Variants in EFS observed in about 807,000 individuals in gnomAD.
The protein encoded by EFS is Cas scaffolding protein family member 3.
EFS carries 34 observed loss-of-function variants against 42.2 expected under a neutral mutation model. That is an observed-to-expected ratio of 0.81 (90% CI 0.61 to 1.07). EFS has a LOEUF of 1.07. Ranked by LOEUF, EFS falls within the 50% of genes least tolerant of loss-of-function variation. EFS has a pLI of 0.00. For missense variants in EFS, 717 were observed against 729.4 expected (o/e 0.98, Z 0.20); for synonymous variants, 299 against 320.7 (o/e 0.93, Z 0.72).
At chr14:23,358,033 C>G (rs963509380) in intron 5 of EFS, among the ~76,000 whole-genome samples, 1 of 152,116 alleles carries the variant, frequency 6.6e-6, no homozygotes, top group African/African-American at 2.4e-5. Context: ...TATATTTTAT[C>G]TAACTCCAAA....
chr14:23,364,953 C>T, intron 1 of EFS, 55 bp downstream of exon 1: 1 of 1,255,394 alleles, frequency 8.0e-7, no homozygotes, highest in Non-Finnish European at 1.0e-6. Context: ...GACAGGAGCG[C>T]AGGGCAGGCC....
chr14:23,363,348 G>GT (rs766607925), intron 1 of EFS, among the ~76,000 whole-genome samples: 4 of 152,190 alleles, frequency 2.6e-5, no homozygotes, highest in Non-Finnish European at 4.4e-5. Flanking sequence ...CAGGGTAGTT[G>GT]TGAGAGTTGC....
chr14:23,360,089 C>G (rs771005782), intron 3 of EFS, 50 bp from the exon 4 acceptor site: 1 of 1,614,026 alleles, frequency 6.2e-7, no homozygotes, highest in Admixed American at 1.7e-5. Flanking sequence ...TGAACCCTCC[C>G]TTGGGGCCAT....
intron 1 of EFS, among the ~76,000 whole-genome samples, chr14:23,363,993 A>G (rs1890238459): frequency 6.6e-6 from 1 of 151,704 alleles, no homozygotes; most frequent in Admixed American, 6.6e-5. Context: ...CCTGTCCTCA[A>G]AGGGTATGGG....
chr14:23,362,337 A>T (rs1423500781), intron 1 of EFS, among the ~76,000 whole-genome samples: 1 of 152,178 alleles, frequency 6.6e-6, no homozygotes, highest in African/African-American at 2.4e-5. Context: ...TTCAGCAAAA[A>T]AATCTCAAAG....
Position 23,365,012 on chromosome 14 carries a change from G to A in EFS, c.14C>T (p.Thr5Met), listed in dbSNP as rs939293311. 7.5e-7 allele frequency: 1 copy of A among 1,339,842 alleles called. No individual in the cohort carries two copies. Among genetic ancestry groups the A allele is most frequent in the South Asian group, 2.4e-5 (1 of 41,048 alleles). 83.0% of individuals were successfully genotyped at this position (1,339,842 alleles called of 1,614,324 possible). The change falls in exon 1 of 6, where the codon ACG becomes ATG. Residue 5 changes from threonine to methionine, a missense_variant. By Grantham distance (81) the Thr-to-Met change is moderately conservative (BLOSUM62 -1). Transcript: ENST00000216733. This position sits in a 1 kb window ranked among gnomAD's most constrained non-coding sequence, Gnocchi z 5.3. Reference sequence around the variant, plus strand: ...TCCACTCCCTGGTGGACTCACCGACGTGGCAATGGCCATGGCTTTGGCCTC... The same window carrying A: ...TCCACTCCCTGGTGGACTCACCGACATGGCAATGGCCATGGCTTTGGCCTC... The part of the protein sequence containing the change: MAIA[T>M]STQLARALYD...
At chr14:23,357,978 T>G (rs1287815619) in intron 5 of EFS, among the ~76,000 whole-genome samples, 3 of 151,868 alleles carry the variant, frequency 2.0e-5, no homozygotes, top group Non-Finnish European at 4.4e-5. Context: ...TTTAGATGTG[T>G]TAGTAGCCAC....
rs1241935514 is a variant in EFS at position 23,360,216 on chromosome 14, T to C, written c.363A>G (p.Pro121=). The change falls in exon 3 of 6, where the codon CCA becomes CCG. Residue 121 remains proline (P), a synonymous_variant. Coordinates refer to ENST00000216733, the MANE Select transcript of EFS (RefSeq NM_005864.4). The part of the protein sequence containing the change: ...PTSGPPAGPC[P]PSPDLIYKIP... Reference sequence around the variant, plus strand: ...TTTTGTAGATGAGGTCAGGAGAGGGTGGGCAAGGTCCAGCTGGAGGTCCTG... The same window carrying C: ...TTTTGTAGATGAGGTCAGGAGAGGGCGGGCAAGGTCCAGCTGGAGGTCCTG... 1.9e-6 allele frequency: 3 copies of C among 1,613,538 alleles called. No individual in the cohort carries two copies. Among genetic ancestry groups the C allele is most frequent in the East Asian group, 2.2e-5 (1 of 44,852 alleles).
intron 2 of EFS, 29 bp downstream of exon 2, chr14:23,360,526 C>T: frequency 6.6e-7 from 1 of 1,521,758 alleles, no homozygotes; most frequent in Non-Finnish European, 8.8e-7. Flanking sequence ...GCTCTTCTGG[C>T]TTGGGGTTGG....
At chr14:23,359,246 C>T (rs541517516) in intron 4 of EFS, 71 bp downstream of exon 4, 4 of 1,605,578 alleles carry the variant, frequency 2.5e-6, no homozygotes, top group African/African-American at 2.7e-5. Context: ...GCCTCTGTGC[C>T]CTAGGTCTCC....
At chr14:23,358,743 T>C (rs1179292641) in intron 5 of EFS, 133 bp downstream of exon 5, 2 of 738,314 alleles carry the variant, frequency 2.7e-6, no homozygotes, top group Non-Finnish European at 4.2e-6. Flanking sequence ...GCCTCCGCTC[T>C]GTCCCTGGTT....
At chr14:23,359,045 C>G in intron 4 of EFS, 80 bp from the exon 5 acceptor site, 4 of 1,269,152 alleles carry the variant, frequency 3.2e-6, no homozygotes, top group Non-Finnish European at 4.4e-6. Flanking sequence ...GCCCCTTCCC[C>G]GGACCCCCTT....
intron 5 of EFS, 43 bp downstream of exon 5, chr14:23,358,833 C>T: frequency 6.5e-7 from 1 of 1,539,338 alleles, no homozygotes; most frequent in Non-Finnish European, 8.8e-7. Context: ...CCCATTCCTC[C>T]CTCCCCTGTC....
At chr14:23,358,001 TAA>T (rs61667019) in intron 5 of EFS, among the ~76,000 whole-genome samples, 8 of 147,992 alleles carry the variant, frequency 5.4e-5, no homozygotes, top group Non-Finnish European at 7.5e-5. Flanking sequence ...TAAAAGTGGT[TAA>T]AAAAAAAACA....
intron 1 of EFS, among the ~76,000 whole-genome samples, chr14:23,362,874 C>G (rs1352469001): frequency 2.0e-5 from 3 of 151,878 alleles, no homozygotes; most frequent in Admixed American, 1.3e-4. Flanking sequence ...ATTACCGTTG[C>G]GACCCACTGC....
Position 23,357,233 on chromosome 14 carries a change from GC to G in EFS, c.1678del (p.Ala560LeufsTer116), listed in dbSNP as rs778375406. 1 of 1,544,220 alleles carries G rather than the reference GC, an allele frequency of 6.5e-7. No homozygotes were observed. The highest frequency in any genetic ancestry group is 1.2e-5 in the South Asian group (1 of 80,650). ...LQFTTLLTSL[A>X]P ...AGCTGTGCCAAAGGACCTTCATGGA[GC>G]CAGGCTAGTGAGCAGGGTAGTGAAT... On this transcript the variant is annotated frameshift_variant, in exon 6 of 6. Coordinates refer to ENST00000216733, the MANE Select transcript of EFS (RefSeq NM_005864.4). LOFTEE classifies it high-confidence loss of function.
Position 23,357,222 on chromosome 14 carries a change from AC to A in EFS, c.*3del. 6.5e-7 allele frequency: 1 copy of A among 1,534,740 alleles called. No individual in the cohort carries two copies. ...GGGAGGAGCAGAGCTGTGCCAAAGGACCTTCATGGAGCCAGGCTAGTGAGCA... is the reference window on the plus strand; with the variant it reads ...GGGAGGAGCAGAGCTGTGCCAAAGGACTTCATGGAGCCAGGCTAGTGAGCA... On this transcript the variant is annotated 3_prime_UTR_variant, in exon 6 of 6. Coordinates refer to ENST00000216733, the MANE Select transcript of EFS (RefSeq NM_005864.4).
chr14:23,364,812 G>A (rs1409796684), intron 1 of EFS, among the ~76,000 whole-genome samples, 196 bp downstream of exon 1: 1 of 151,982 alleles, frequency 6.6e-6, no homozygotes, highest in Non-Finnish European at 1.5e-5. Flanking sequence ...AGAGGGGCGA[G>A]CCCGGAGCCA....
At chr14:23,360,106 C>T (rs1289313876) in intron 3 of EFS, 35 bp downstream of exon 3, 1 of 1,614,158 alleles carries the variant, frequency 6.2e-7, no homozygotes. Context: ...CCATTTGTCT[C>T]CCACCCAACA....
Sources: gnomAD v4.1 joint callset for allele counts (sites outside exome capture counted in the v4.1 genomes callset) on GRCh38, gnomAD v4.1.1 for gene constraint, Gnocchi (gnomAD v3.1) non-coding constraint, MANE v1.5 for transcripts, NCBI Gene and HGNC (gene_info 2026-07-23, HGNC 2026-07-21) for gene names.